MAP3K21: variants seen among roughly 807,000 people sequenced by gnomAD.
The protein encoded by MAP3K21 is mitogen-activated protein kinase kinase kinase 21, also known as mitogen-activated protein kinase kinase kinase MLK4.
Under a neutral mutation model 86.1 loss-of-function variants are expected in MAP3K21, and 63 were observed. The observed-to-expected ratio is 0.73, with a 90% CI of 0.60 to 0.90. The LOEUF (loss-of-function observed/expected upper bound fraction) is 0.90. MAP3K21 is among the 40% of genes least tolerant of loss of function. MAP3K21 has a pLI of 0.00. For missense variants in MAP3K21, 1,220 were observed against 1,367.7 expected (o/e 0.89, Z 1.70); for synonymous variants, 558 against 564.8 (o/e 0.99, Z 0.17).
intron 4 of MAP3K21, 81 bp from the exon 5 acceptor site, chr1:233,361,972 G>T: frequency 6.7e-7 from 1 of 1,502,442 alleles, no homozygotes; most frequent in Non-Finnish European, 8.9e-7. Context: ...CGTGGCCGAG[G>T]GGTCGCCAGT....
chr1:233,330,911 C>T lies in MAP3K21; in HGVS notation c.805+2078C>T, dbSNP rs191676436. On this transcript the variant is annotated intron_variant, in intron 1 of 9. Coordinates refer to ENST00000366624, the MANE Select transcript of MAP3K21 (RefSeq NM_032435.3). ...AGGATTTATGGATCAATCAACAATC[C>T]ATAGCAATTATTGCAAATAGTAAAT... 1.7e-3 allele frequency among the ~76,000 whole-genome samples: 262 copies of T among 152,186 alleles called. 3 individuals carry two copies. Among genetic ancestry groups the T allele is most frequent in the African/African-American group, 6.1e-3 (253 of 41,512 alleles).
intron 1 of MAP3K21, among the ~76,000 whole-genome samples, chr1:233,333,363 G>C (rs1662848353): frequency 6.6e-6 from 1 of 152,170 alleles, no homozygotes; most frequent in South Asian, 2.1e-4. Flanking sequence ...TTGAAACAAA[G>C]TTAGTGAAAG....
At chr1:233,359,158 A>G (rs1663422585) in intron 4 of MAP3K21, among the ~76,000 whole-genome samples, 1 of 152,168 alleles carries the variant, frequency 6.6e-6, no homozygotes. Flanking sequence ...ATAAAACTGG[A>G]AGATATAGGC....
At chr1:233,329,788 G>A (rs1409478811) in intron 1 of MAP3K21, among the ~76,000 whole-genome samples, 1 of 152,194 alleles carries the variant, frequency 6.6e-6, no homozygotes, top group Non-Finnish European at 1.5e-5. Flanking sequence ...TCCTTGCACA[G>A]GTACTTGAAA....
intron 1 of MAP3K21, among the ~76,000 whole-genome samples, chr1:233,338,770 CTT>C (rs1329615647): frequency 6.6e-6 from 1 of 152,178 alleles, no homozygotes; most frequent in African/African-American, 2.4e-5. Flanking sequence ...GGGTCTTTGA[CTT>C]TTACTACGAC....
At chr1:233,360,296 A>AT (rs1358168941) in intron 4 of MAP3K21, among the ~76,000 whole-genome samples, 1 of 152,210 alleles carries the variant, frequency 6.6e-6, no homozygotes, top group Non-Finnish European at 1.5e-5. Context: ...TGGATTACAG[A>AT]TTTTTTAACA....
intron 1 of MAP3K21, among the ~76,000 whole-genome samples, chr1:233,332,210 C>T (rs910558195): frequency 5.9e-5 from 9 of 152,048 alleles, no homozygotes; most frequent in African/African-American, 2.2e-4. Context: ...CATCATAGAG[C>T]TTAGTCTAAC....
chr1:233,349,917 C>T (rs924220817), intron 2 of MAP3K21, among the ~76,000 whole-genome samples: 6 of 149,908 alleles, frequency 4.0e-5, no homozygotes, highest in African/African-American at 1.5e-4. Context: ...AGCCTGATGA[C>T]AGAGCAAGAC....
At chr1:233,382,171 T>C in intron 9 of MAP3K21, 134 bp from the exon 10 acceptor site, 1 of 758,898 alleles carries the variant, frequency 1.3e-6, no homozygotes, top group Non-Finnish European at 2.1e-6. Context: ...TGCCTGTGAA[T>C]GCATGTTTTT....
At position 233,328,548 on chromosome 1, in the gene MAP3K21, C is replaced by G. The variant is rs1414080443; in HGVS notation, c.520C>G (p.Leu174Val). Residue 174 changes from leucine (L) to valine (V), a missense_variant, in exon 1 of 10, where the codon CTC becomes GTC. Physicochemically the swap from Leu to Val is conservative, Grantham distance 32. Transcript: ENST00000366624. This position sits in a 1 kb window ranked among gnomAD's most constrained non-coding sequence, Gnocchi z 8.7. Reference sequence around the variant, plus strand: ...CGAGAGCGTGCGGCGCGAGGCTCGGCTCTTCGCCATGCTGCGGCACCCCAA... The same window carrying G: ...CGAGAGCGTGCGGCGCGAGGCTCGGGTCTTCGCCATGCTGCGGCACCCCAA... ...AAESVRREARLFAMLRHPNII... is the reference protein window; with the variant it reads ...AAESVRREARVFAMLRHPNII... 7.2e-6 allele frequency: 11 copies of G among 1,533,346 alleles called. No homozygotes were observed. Among genetic ancestry groups the G allele is most frequent in the African/African-American group, 1.4e-5 (1 of 70,018 alleles). 95.0% of individuals were successfully genotyped at this position (1,533,346 alleles called of 1,614,324 possible).
At chr1:233,358,882 T>C (rs1663415615) in intron 4 of MAP3K21, among the ~76,000 whole-genome samples, 1 of 152,092 alleles carries the variant, frequency 6.6e-6, no homozygotes, top group East Asian at 1.9e-4. Flanking sequence ...TGGTCTCGGC[T>C]CACTGCAACC....
chr1:233,334,688 G>A (rs749655722), intron 1 of MAP3K21, among the ~76,000 whole-genome samples: 23 of 152,290 alleles, frequency 1.5e-4, no homozygotes, highest in African/African-American at 2.6e-4. Flanking sequence ...TATTTAAGAG[G>A]CAAGGGAGAG....
At chr1:233,356,556 A>G (rs953804019) in intron 4 of MAP3K21, among the ~76,000 whole-genome samples, 3 of 152,218 alleles carry the variant, frequency 2.0e-5, no homozygotes, top group African/African-American at 7.2e-5. Context: ...TTACGCTGTA[A>G]TAGAGGCATA....
chr1:233,377,348 T>C (rs75448673), intron 8 of MAP3K21, among the ~76,000 whole-genome samples: 2 of 152,312 alleles, frequency 1.3e-5, no homozygotes, highest in East Asian at 3.9e-4. Flanking sequence ...TTTGATCAAA[T>C]TAAAGATGCC....
At chr1:233,329,595 A>G (rs1438032925) in intron 1 of MAP3K21, among the ~76,000 whole-genome samples, 2 of 152,078 alleles carry the variant, frequency 1.3e-5, no homozygotes, top group Non-Finnish European at 1.5e-5. Flanking sequence ...CGGAAGTTGC[A>G]GTGAGCCAAG....
intron 5 of MAP3K21, among the ~76,000 whole-genome samples, chr1:233,369,976 T>A (rs1038806839): frequency 1.3e-5 from 2 of 152,088 alleles, no homozygotes; most frequent in Non-Finnish European, 2.9e-5. Context: ...AACTTAAGAA[T>A]CATGAGAGGC....
At chr1:233,355,107 CT>C in intron 4 of MAP3K21, 96 bp downstream of exon 4, 1 of 858,642 alleles carries the variant, frequency 1.2e-6, no homozygotes, top group Non-Finnish European at 1.7e-6. Flanking sequence ...TCAAAAATAT[CT>C]TTAGATATCA....
intron 2 of MAP3K21, among the ~76,000 whole-genome samples, chr1:233,347,704 C>T (rs1390756377): frequency 1.3e-5 from 2 of 152,032 alleles, no homozygotes; most frequent in Non-Finnish European, 2.9e-5. Flanking sequence ...ATAACGATGG[C>T]AACAGTAGAC....
chr1:233,366,076 G>T (rs571032519), intron 5 of MAP3K21, among the ~76,000 whole-genome samples: 1 of 152,154 alleles, frequency 6.6e-6, no homozygotes. Context: ...TATGTTAAGT[G>T]AAGTAAGTCA....
Sources: gnomAD v4.1 joint callset for allele counts (sites outside exome capture counted in the v4.1 genomes callset) on GRCh38, gnomAD v4.1.1 for gene constraint, Gnocchi (gnomAD v3.1) non-coding constraint, MANE v1.5 for transcripts, NCBI Gene and HGNC (gene_info 2026-07-23, HGNC 2026-07-21) for gene names.